The following FRMPD4 variants were observed in gnomAD, a reference collection of about 807,000 sequenced individuals.
FRMPD4 encodes the protein FERM and PDZ domain-containing protein 4.
A neutral mutation model predicts 94.1 loss-of-function variants in FRMPD4; 22 were observed. The observed-to-expected ratio is 0.23, with a 90% CI of 0.17 to 0.33. The LOEUF (loss-of-function observed/expected upper bound fraction) is 0.33. Among genes scored for constraint, FRMPD4 ranks in the 10% least tolerant of loss-of-function variants. The pLI is 1.00. For missense variants in FRMPD4, 1,111 were observed against 1,339.9 expected (o/e 0.83, Z 2.67); for synonymous variants, 631 against 548.6 (o/e 1.15, Z -2.10).
Position 12,460,492 on chromosome X carries a change from C to T in FRMPD4, c.42-38188C>T, listed in dbSNP as rs142820809. Among the ~76,000 whole-genome samples the T allele has an allele frequency of 6.1e-4, 68 of 111,701 alleles. 1 individual carries two copies. In the East Asian group the frequency reaches 0.015, roughly 24 times the overall value. On this transcript the variant is annotated intron_variant, in intron 1 of 16. Coordinates refer to ENST00000675598, the MANE Select transcript of FRMPD4 (RefSeq NM_001368397.1). The stretch of plus-strand genomic sequence containing the variant: ...TTCCATGTGCAGATATCTAGTTGTT[C>T]CAACTACATATGTCTTTTGCCCATT...
intron 3 of FRMPD4, among the ~76,000 whole-genome samples, chrX:12,081,681 A>G (rs1415852711): frequency 9.0e-6 from 1 of 111,630 alleles, no homozygotes; most frequent in Non-Finnish European, 1.9e-5. Flanking sequence ...AGGGAGAAAT[A>G]TATGGCCATC....
chrX:11,930,767 AG>A (rs935646000), intron 3 of FRMPD4, among the ~76,000 whole-genome samples: 8 of 111,599 alleles, frequency 7.2e-5, no homozygotes, highest in African/African-American at 2.6e-4. Context: ...TGGGCAGGGG[AG>A]GCAATTTGAT....
At chrX:12,582,255 A>G (rs1411678784) in intron 2 of FRMPD4, among the ~76,000 whole-genome samples, 1 of 112,198 alleles carries the variant, frequency 8.9e-6, no homozygotes, top group Non-Finnish European at 1.9e-5. Context: ...TTCTCTTTGT[A>G]TTGGTTCCTT....
chrX:12,462,542 A>G (rs2057401298), intron 1 of FRMPD4, among the ~76,000 whole-genome samples: 1 of 112,177 alleles, frequency 8.9e-6, no homozygotes, highest in Non-Finnish European at 1.9e-5. Flanking sequence ...TAATGCCCTT[A>G]GAGAAAATGG....
intron 1 of FRMPD4, among the ~76,000 whole-genome samples, chrX:12,170,458 G>A (rs2056202080): frequency 9.0e-6 from 1 of 111,429 alleles, no homozygotes; most frequent in Admixed American, 9.6e-5. Context: ...GAATGGTTTG[G>A]ATGCTGGTTA....
intron 1 of FRMPD4, among the ~76,000 whole-genome samples, chrX:12,496,689 T>G: frequency 8.9e-6 from 1 of 111,904 alleles, no homozygotes; most frequent in Non-Finnish European, 1.9e-5. Flanking sequence ...TAAATCATAC[T>G]AAGGCCTTTC....
intron 2 of FRMPD4, among the ~76,000 whole-genome samples, chrX:12,592,723 C>T (rs991129072): frequency 1.8e-5 from 2 of 112,032 alleles, no homozygotes; most frequent in Non-Finnish European, 1.9e-5. Flanking sequence ...CGATGTCTTT[C>T]ATGCCTTATT....
chrX:12,033,991 C>T (rs2054706671), intron 3 of FRMPD4, among the ~76,000 whole-genome samples: 1 of 112,737 alleles, frequency 8.9e-6, no homozygotes, highest in Non-Finnish European at 1.9e-5. Flanking sequence ...GCCACGGCGC[C>T]TGGCCAGAGG....
intron 2 of FRMPD4, among the ~76,000 whole-genome samples, chrX:11,870,767 C>T (rs1044139991): frequency 4.5e-5 from 5 of 111,865 alleles, no homozygotes; most frequent in Non-Finnish European, 9.4e-5. Flanking sequence ...CATCTTGGAC[C>T]GGCAGTAGGT....
chrX:12,131,816 C>T (rs1417320671), intron 3 of FRMPD4, among the ~76,000 whole-genome samples: 1 of 111,902 alleles, frequency 8.9e-6, no homozygotes, highest in South Asian at 3.7e-4. Flanking sequence ...CTTTTGTCAT[C>T]CCTAAAATGG....
chrX:12,544,340 G>GATCA (rs920188289), intron 2 of FRMPD4, among the ~76,000 whole-genome samples: 1 of 111,651 alleles, frequency 9.0e-6, no homozygotes, highest in African/African-American at 3.3e-5. Flanking sequence ...AACTTGAAAA[G>GATCA]ATCACTCAAT....
At chrX:12,226,496 C>A (rs750241224) in intron 1 of FRMPD4, among the ~76,000 whole-genome samples, 4 of 111,782 alleles carry the variant, frequency 3.6e-5, no homozygotes, top group Non-Finnish European at 7.5e-5. Flanking sequence ...ATATAAAAAT[C>A]AAGATCGGTG....
intron 3 of FRMPD4, among the ~76,000 whole-genome samples, chrX:11,946,477 C>T (rs1204081334): frequency 2.7e-5 from 3 of 111,340 alleles, no homozygotes; most frequent in East Asian, 2.8e-4. Flanking sequence ...TTTTAAGAGA[C>T]GGTTTGCACT....
At chrX:12,069,587 G>A (rs2054949104) in intron 3 of FRMPD4, among the ~76,000 whole-genome samples, 1 of 111,538 alleles carries the variant, frequency 9.0e-6, no homozygotes, top group Non-Finnish European at 1.9e-5. Flanking sequence ...TCTGACAAGG[G>A]GTCCAGGCTG....
chrX:11,863,924 C>T (rs769820478), intron 1 of FRMPD4, among the ~76,000 whole-genome samples: 4 of 111,948 alleles, frequency 3.6e-5, no homozygotes, highest in African/African-American at 9.7e-5. Flanking sequence ...GACTTTGACT[C>T]GATTTAATAC....
intron 1 of FRMPD4, among the ~76,000 whole-genome samples, chrX:12,335,816 C>T (rs2055511012): frequency 8.9e-6 from 1 of 112,335 alleles, no homozygotes; most frequent in African/African-American, 3.2e-5. Context: ...AAGGTATGGT[C>T]CTCTTGCAAG....
intron 3 of FRMPD4, among the ~76,000 whole-genome samples, chrX:11,888,500 T>G (rs771945039): frequency 4.4e-5 from 5 of 112,401 alleles, no homozygotes; most frequent in African/African-American, 1.6e-4. Flanking sequence ...ATCTGATACT[T>G]TCTAGAATGT....
At chrX:12,359,804 C>T (rs755416081) in intron 1 of FRMPD4, among the ~76,000 whole-genome samples, 59 of 111,635 alleles carry the variant, frequency 5.3e-4, no homozygotes, top group African/African-American at 1.6e-3. Flanking sequence ...GCAGGGCATC[C>T]GGGGAGGGAG....
At chrX:12,197,673 T>C (rs1442565640) in intron 1 of FRMPD4, among the ~76,000 whole-genome samples, 1 of 112,146 alleles carries the variant, frequency 8.9e-6, no homozygotes, top group Non-Finnish European at 1.9e-5. Flanking sequence ...AGGGCAGTTT[T>C]GTGGACAAAC....
Sources: allele counts gnomAD v4.1 joint callset (sites outside exome capture counted in the v4.1 genomes callset), GRCh38; gene constraint gnomAD v4.1.1; transcripts MANE v1.5; gene names NCBI Gene and HGNC (gene_info 2026-07-23, HGNC 2026-07-21).